The following ZNF354A variants were observed in gnomAD, a reference collection of about 807,000 sequenced individuals.
The protein encoded by ZNF354A is epididymis luminal protein 104.
In ZNF354A, 25 loss-of-function variants were observed where a neutral mutation model predicts 53.3. The ratio of observed to expected loss-of-function variants is 0.47; its 90% CI spans 0.34 to 0.66. ZNF354A has a LOEUF of 0.66. Among genes scored for constraint, ZNF354A ranks in the 30% least tolerant of loss-of-function variants. ZNF354A has a pLI of 0.01. For synonymous variants in ZNF354A, 228 were observed against 249.0 expected, an observed-to-expected ratio of 0.92 and a Z score of 0.79; for missense variants, 586 against 716.8, an observed-to-expected ratio of 0.82 and a Z score of 2.08.
intron 4 of ZNF354A, among the ~76,000 whole-genome samples, chr5:178,719,781 A>T (rs951749327): frequency 3.3e-5 from 5 of 152,010 alleles, no homozygotes; most frequent in African/African-American, 1.2e-4. Context: ...CCCCGTCTCT[A>T]CTAAAAATAC....
intron 4 of ZNF354A, among the ~76,000 whole-genome samples, chr5:178,724,235 T>G (rs1765863389): frequency 6.6e-6 from 1 of 151,704 alleles, no homozygotes; most frequent in Admixed American, 6.6e-5. Flanking sequence ...GCCTTTTTTT[T>G]TTTTTTTAAG....
At chr5:178,721,527 T>C (rs922096515) in intron 4 of ZNF354A, among the ~76,000 whole-genome samples, 5 of 151,928 alleles carry the variant, frequency 3.3e-5, no homozygotes, top group African/African-American at 1.2e-4. Flanking sequence ...CACCCACCTT[T>C]CTTAGATAAC....
chr5:178,726,849 G>T, intron 3 of ZNF354A, 150 bp downstream of exon 3: 1 of 1,228,764 alleles, frequency 8.1e-7, no homozygotes, highest in Non-Finnish European at 1.1e-6. Context: ...GGGGGAATAG[G>T]TTTTTAATGT....
At position 178,712,086 on chromosome 5, in the gene ZNF354A, T is replaced by C; in HGVS notation, c.1792A>G (p.Lys598Glu). The change falls in exon 5 of 5, where the codon AAA (lysine) becomes GAA (glutamate). Residue 598 changes from lysine (K) to glutamate (E), a missense_variant. Lys to Glu is a moderately conservative substitution (Grantham distance 56). Coordinates refer to ENST00000335815, the MANE Select transcript of ZNF354A (RefSeq NM_005649.3). ...NHRSSLTNHYKIHIEEDP is the reference protein window; with the variant it reads ...NHRSSLTNHYEIHIEEDP ...TAGGGGTCCTCTTCGATATGAATTTTATAATGATTAGTAAGGGATGACCTA... is the reference window on the plus strand; with the variant it reads ...TAGGGGTCCTCTTCGATATGAATTTCATAATGATTAGTAAGGGATGACCTA... 4.4e-6 allele frequency: 7 copies of C among 1,601,046 alleles called. No individual in the cohort carries two copies. Among genetic ancestry groups the C allele is most frequent in the Non-Finnish European group, 6.0e-6 (7 of 1,173,390 alleles).
chr5:178,721,636 G>A (rs748631955), intron 4 of ZNF354A, among the ~76,000 whole-genome samples: 2 of 152,092 alleles, frequency 1.3e-5, no homozygotes, highest in Non-Finnish European at 2.9e-5. Flanking sequence ...ACAGCTGTGT[G>A]GACGTACCAC....
At position 178,717,374 on chromosome 5, in the gene ZNF354A, G is replaced by A. The variant is rs144144980; in HGVS notation, c.257-3753C>T. Among the ~76,000 whole-genome samples the A allele has an allele frequency of 6.3e-4, 96 of 152,140 alleles. 1 individual carries two copies. The highest frequency in any genetic ancestry group is 2.2e-3 in the African/African-American group (93 of 41,488). On this transcript the variant is annotated intron_variant, in intron 4 of 4. Transcript: ENST00000335815. ...GCTGTACAGTGAAGGAAGAGCTAGC[G>A]GGACCAAGAATAACAAGACTCAGGA...
At chr5:178,714,070 G>A (rs11747097) in intron 4 of ZNF354A, among the ~76,000 whole-genome samples, 36,864 of 151,348 alleles carry the variant, frequency 0.24, 5,020 homozygotes, top group South Asian at 0.39. Context: ...GCAGTGGCGC[G>A]ATCTCGGCTC....
intron 4 of ZNF354A, among the ~76,000 whole-genome samples, chr5:178,721,332 A>G (rs1765808637): frequency 6.6e-6 from 1 of 152,208 alleles, no homozygotes; most frequent in African/African-American, 2.4e-5. Flanking sequence ...TGAATACTGT[A>G]GGCTACTGTA....
intron 3 of ZNF354A, 138 bp from the exon 4 acceptor site, chr5:178,725,609 G>GT: frequency 1.3e-6 from 1 of 777,174 alleles, no homozygotes; most frequent in South Asian, 1.8e-5. Flanking sequence ...CCCCTGGGAG[G>GT]TAAGGGGGTA....
intron 4 of ZNF354A, among the ~76,000 whole-genome samples, chr5:178,721,216 C>T (rs576181185): frequency 3.8e-4 from 57 of 151,964 alleles, no homozygotes; most frequent in Non-Finnish European, 6.5e-4. Flanking sequence ...TTCTGAGATA[C>T]GCGTTGTTGG....
chr5:178,715,482 T>C (rs1025385028), intron 4 of ZNF354A, among the ~76,000 whole-genome samples: 2 of 151,996 alleles, frequency 1.3e-5, no homozygotes, highest in African/African-American at 4.8e-5. Flanking sequence ...GAAAGCAGAG[T>C]TTCTTAACTT....
chr5:178,725,305 A>C (rs1162551550), intron 4 of ZNF354A, 71 bp downstream of exon 4: 6 of 1,479,824 alleles, frequency 4.1e-6, no homozygotes, highest in Non-Finnish European at 5.7e-6. Context: ...TTTCCCAACC[A>C]ACGTTCCTAC....
chr5:178,726,848 G>A (rs1372083156), intron 3 of ZNF354A, 151 bp downstream of exon 3: 1 of 1,217,716 alleles, frequency 8.2e-7, no homozygotes, highest in Non-Finnish European at 1.1e-6. Context: ...AGGGGGAATA[G>A]GTTTTTAATG....
chr5:178,729,891 G>A (rs949470404), intron 1 of ZNF354A, among the ~76,000 whole-genome samples: 5 of 90,726 alleles, frequency 5.5e-5, no homozygotes, highest in Non-Finnish European at 1.4e-4. Context: ...TTGAGACGGA[G>A]TCTCGCTCTG....
intron 4 of ZNF354A, among the ~76,000 whole-genome samples, chr5:178,717,077 C>CAAAAAAAAAAAAAAAAAAAAAAAAAAAA (rs5873633): frequency 3.1e-5 from 2 of 65,520 alleles, no homozygotes; most frequent in African/African-American, 6.3e-5. Flanking sequence ...GACTCCATCT[C>CAAAAAAAAAAAAAAAAAAAAAAAAAAAA]AAAAAAAAAA....
chr5:178,711,918 G>T lies in ZNF354A; in HGVS notation c.*142C>A. The T allele has an allele frequency of 1.0e-6, 1 of 995,164 alleles. No homozygotes were observed. The highest frequency in any genetic ancestry group is 1.4e-6 in the Non-Finnish European group (1 of 703,392). The allele number at this position is 995,164 out of a possible 1,614,324, so 61.6% of individuals were successfully genotyped here. ...TTCCTCATATCTATTATATAGCTGA[G>T]GTTTATCCATGGAATTAAATACCTA... On this transcript the variant is annotated 3_prime_UTR_variant, in exon 5 of 5. Transcript: ENST00000335815.
intron 4 of ZNF354A, among the ~76,000 whole-genome samples, chr5:178,718,758 G>A (rs978546476): frequency 2.6e-5 from 4 of 152,046 alleles, no homozygotes; most frequent in Admixed American, 2.6e-4. Context: ...TGAGAGACAG[G>A]GTCTTGCTCT....
rs781176954 is a variant in ZNF354A, at chr5:178,712,353, G to A, written c.1525C>T (p.Leu509Phe). The A allele has an allele frequency of 1.9e-6, 3 of 1,614,092 alleles. No individual in the cohort carries two copies. Among genetic ancestry groups the A allele is most frequent in the Non-Finnish European group, 2.5e-6 (3 of 1,179,972 alleles). Residue 509 changes from leucine (L) to phenylalanine (F), a missense_variant, in exon 5 of 5, where the codon CTT becomes TTT. Transcript: ENST00000335815. Reference protein sequence around the residue: ...CGKTFRCNSSLSNHQRIHTGE... With the variant: ...CGKTFRCNSSFSNHQRIHTGE... ...GTATGAATTCTCTGGTGATTACTAA[G>A]TGATGAGTTACACCTGAATGTTTTC...
Position 178,727,506 on chromosome 5 carries a change from G to T in ZNF354A, c.34-381C>A, listed in dbSNP as rs956175858. 9.9e-5 allele frequency among the ~76,000 whole-genome samples: 15 copies of T among 152,130 alleles called. 1 individual carries two copies. Among genetic ancestry groups the T allele is most frequent in the Admixed American group, 7.9e-4 (12 of 15,276 alleles). The stretch of plus-strand genomic sequence containing the variant: ...AAAAGTACACACAAACATATTCATG[G>T]TGTTTTTAAGAGCAAAAAACCAGGA... On this transcript the variant is annotated intron_variant, in intron 2 of 4. Transcript: ENST00000335815.
Sources: allele counts gnomAD v4.1 joint callset (sites outside exome capture counted in the v4.1 genomes callset), GRCh38; gene constraint gnomAD v4.1.1; transcripts MANE v1.5; gene names NCBI Gene and HGNC (gene_info 2026-07-23, HGNC 2026-07-21).